TEX11: variants seen among roughly 807,000 people sequenced by gnomAD.
TEX11 encodes testis expressed 11, also known as testis-expressed protein 11.
TEX11 carries 7 observed loss-of-function variants against 84.4 expected under a neutral mutation model. That is an observed-to-expected ratio of 0.08 (90% CI 0.05 to 0.16). The LOEUF is 0.16. TEX11 is among the 10% of genes least tolerant of loss of function. The pLI, the probability that TEX11 is intolerant of heterozygous loss-of-function variation, is 1.00. For missense variants in TEX11, 551 were observed against 660.5 expected (o/e 0.83, Z 1.82); for synonymous variants, 264 against 222.8 (o/e 1.18, Z -1.64).
chrX:70,714,391 G>T lies in TEX11; in HGVS notation c.1004+8227C>A, dbSNP rs755207588. ...TGATCTGTCTAATGTTGACAGTGGG[G>T]TGTTAAAGTCTCCCATTATTATTGT... On this transcript the variant is annotated intron_variant, in intron 13 of 29. Coordinates refer to ENST00000374333, the MANE Select transcript of TEX11 (RefSeq NM_031276.3). Among the ~76,000 whole-genome samples, 8 of 111,294 alleles carry T rather than the reference G, an allele frequency of 7.2e-5. No individual in the cohort carries two copies. In the East Asian group the frequency reaches 1.7e-3, roughly 23 times the overall value.
chrX:70,633,110 C>T (rs1387271385), intron 17 of TEX11, among the ~76,000 whole-genome samples: 2 of 111,670 alleles, frequency 1.8e-5, no homozygotes, highest in Non-Finnish European at 3.8e-5. Context: ...AAAAACATTA[C>T]AGGAATATAA....
chrX:70,582,762 A>ATTTATTTATTTT (rs67328060), intron 25 of TEX11, among the ~76,000 whole-genome samples: 14,881 of 95,947 alleles, frequency 0.16, 1,983 homozygotes, highest in African/African-American at 0.41. Context: ...TTATTTATTT[A>ATTTATTTATTTT]TGTGATGGAA....
intron 11 of TEX11, among the ~76,000 whole-genome samples, chrX:70,732,600 T>C (rs146099658): frequency 1.7e-3 from 187 of 111,008 alleles, no homozygotes; most frequent in African/African-American, 4.4e-3. Flanking sequence ...ACAAAAGACA[T>C]GAAGGACCTC....
At chrX:70,531,322 A>C (rs1377703419) in intron 28 of TEX11, among the ~76,000 whole-genome samples, 1 of 111,264 alleles carries the variant, frequency 9.0e-6, no homozygotes, top group East Asian at 2.8e-4. Flanking sequence ...GGCTCTCCAC[A>C]ATTTCTTGCT....
intron 16 of TEX11, among the ~76,000 whole-genome samples, chrX:70,661,644 C>A (rs376397802): frequency 1.8e-3 from 197 of 111,579 alleles, no homozygotes; most frequent in African/African-American, 4.6e-3. Flanking sequence ...CAGACTGACA[C>A]CTCACACAGC....
chrX:70,744,238 A>G lies in TEX11; in HGVS notation c.693-19T>C. 1.5e-6 allele frequency: 1 copy of G among 649,883 alleles called. No homozygotes were observed. The highest frequency in any genetic ancestry group is 2.0e-6 in the Non-Finnish European group (1 of 491,684). The allele number at this position is 649,883 out of a possible 1,213,427, so 53.6% of individuals were successfully genotyped here. ...GCTTTGGCTATCATTAAAAAGGAAA[A>G]AAAATATATATATATATATAAACAT... On this transcript the variant is annotated intron_variant, in intron 9 of 29. Coordinates refer to ENST00000374333, the MANE Select transcript of TEX11 (RefSeq NM_031276.3).
At chrX:70,557,063 G>A (rs1436813329) in intron 25 of TEX11, among the ~76,000 whole-genome samples, 9 of 109,570 alleles carry the variant, frequency 8.2e-5, no homozygotes, top group Non-Finnish European at 9.5e-5. Flanking sequence ...CTCCCAAAGT[G>A]AGCCACCATA....
intron 13 of TEX11, among the ~76,000 whole-genome samples, chrX:70,715,350 ATTGGGGAAG>A (rs1237030812): frequency 9.0e-6 from 1 of 111,479 alleles, no homozygotes; most frequent in Non-Finnish European, 1.9e-5. Flanking sequence ...GCCTTGCTAG[ATTGGGGAAG>A]TTCTCCTGGA....
At chrX:70,677,052 C>T in intron 15 of TEX11, among the ~76,000 whole-genome samples, 1 of 112,040 alleles carries the variant, frequency 8.9e-6, no homozygotes, top group Non-Finnish European at 1.9e-5. Flanking sequence ...TGCTTATTCT[C>T]CTCATTATAG....
intron 9 of TEX11, among the ~76,000 whole-genome samples, chrX:70,790,505 G>A (rs2091111379): frequency 8.9e-6 from 1 of 111,890 alleles, no homozygotes; most frequent in African/African-American, 3.2e-5. Context: ...AAATTGGCAG[G>A]GTAAAATGCC....
Position 70,629,673 on chromosome X carries a change from G to C in TEX11, c.1546C>G (p.Leu516Val). The change falls in exon 18 of 30, where the codon CTA becomes GTA. Residue 516 changes from leucine to valine, a missense_variant. Physicochemically the swap from Leu to Val is conservative, Grantham distance 32. Coordinates refer to ENST00000374333, the MANE Select transcript of TEX11 (RefSeq NM_031276.3). ...LTDEESEDND[L>V]VAERGSPTML... ...GTAGGTGAACCTCTCTCTGCAACTA[G>C]ATCATTATCTTCTGACTCTTCATCT... is the stretch of plus-strand genomic sequence containing the variant. 1 of 1,197,859 alleles carries C rather than the reference G, an allele frequency of 8.3e-7. No homozygotes were observed. The highest frequency in any genetic ancestry group is 1.8e-5 in the South Asian group (1 of 56,283).
chrX:70,552,956 T>G (rs1460315621), intron 27 of TEX11, among the ~76,000 whole-genome samples: 1 of 111,537 alleles, frequency 9.0e-6, no homozygotes, highest in Non-Finnish European at 1.9e-5. Context: ...GGGTGGTGGA[T>G]ACGTTGGTGT....
chrX:70,581,533 C>T (rs960860524), intron 25 of TEX11, among the ~76,000 whole-genome samples: 3 of 110,286 alleles, frequency 2.7e-5, no homozygotes, highest in Non-Finnish European at 3.8e-5. Context: ...CCCCTGACCT[C>T]GTGATCCACC....
intron 28 of TEX11, among the ~76,000 whole-genome samples, chrX:70,546,324 A>C (rs942880021): frequency 8.9e-6 from 1 of 112,232 alleles, no homozygotes; most frequent in African/African-American, 3.2e-5. Flanking sequence ...AAATCTTTGT[A>C]AACGTGGGTT....
intron 17 of TEX11, among the ~76,000 whole-genome samples, chrX:70,640,034 G>T: frequency 9.3e-6 from 1 of 107,979 alleles, no homozygotes; most frequent in Non-Finnish European, 1.9e-5. Flanking sequence ...AAATTTAGAA[G>T]AATGTATAAC....
chrX:70,827,823 G>A (rs966266533), intron 8 of TEX11, among the ~76,000 whole-genome samples: 2 of 112,066 alleles, frequency 1.8e-5, no homozygotes, highest in African/African-American at 6.5e-5. Flanking sequence ...ATCCTAAAGG[G>A]AAGGGCCTTC....
intron 9 of TEX11, among the ~76,000 whole-genome samples, chrX:70,771,421 A>G (rs1184671063): frequency 8.9e-6 from 1 of 112,273 alleles, no homozygotes; most frequent in Non-Finnish European, 1.9e-5. Flanking sequence ...CTGTTATTTT[A>G]CCAATTTATC....
At chrX:70,680,710 G>T (rs2090141694) in intron 14 of TEX11, among the ~76,000 whole-genome samples, 1 of 111,542 alleles carries the variant, frequency 9.0e-6, no homozygotes, top group African/African-American at 3.3e-5. Context: ...TCAATTTTAG[G>T]TTTACTACCA....
chrX:70,645,284 T>C (rs958298028), intron 17 of TEX11, among the ~76,000 whole-genome samples: 12 of 109,449 alleles, frequency 1.1e-4, no homozygotes, highest in Non-Finnish European at 2.3e-4. Flanking sequence ...CATCATTCCA[T>C]GATTTAAAAA....
Sources: gnomAD v4.1 joint callset for allele counts (sites outside exome capture counted in the v4.1 genomes callset) on GRCh38, gnomAD v4.1.1 for gene constraint, MANE v1.5 for transcripts, NCBI Gene and HGNC (gene_info 2026-07-23, HGNC 2026-07-21) for gene names.